The following ROBO2 variants were observed in gnomAD, a reference collection of about 807,000 sequenced individuals.
The protein encoded by ROBO2 is roundabout guidance receptor 2.
A neutral mutation model predicts 160.8 loss-of-function variants in ROBO2; 53 were observed. The ratio of observed to expected loss-of-function variants is 0.33; its 90% CI spans 0.26 to 0.41. The LOEUF (loss-of-function observed/expected upper bound fraction) is 0.41, where lower values mean the gene tolerates loss of function less well. ROBO2 is among the 10% of genes least tolerant of loss of function. The pLI, the probability that ROBO2 is intolerant of heterozygous loss-of-function variation, is 1.00. For synonymous variants in ROBO2, 664 were observed against 611.7 expected (o/e 1.09, Z -1.26); for missense variants, 1,577 against 1,722.4 (o/e 0.92, Z 1.49).
In ROBO2 at chr3:77,281,608, C is replaced by G. The variant is rs115510697; in HGVS notation, c.388+183268C>G. Among the ~76,000 whole-genome samples the G allele has an allele frequency of 9.5e-3, 1,447 of 152,174 alleles. 20 individuals are homozygous for G. Among genetic ancestry groups the G allele is most frequent in the East Asian group, 0.035 (181 of 5,176 alleles). On this transcript the variant is annotated intron_variant, in intron 2 of 25. Transcript: ENST00000461745. ...TGTTCCAGGACCTCCCATGGATGCT[C>G]AAGTCTCTGATATAAAATAACATAT...
At chr3:76,112,003 A>T (rs2070253383) in intron 2 of ROBO2, among the ~76,000 whole-genome samples, 1 of 151,928 alleles carries the variant, frequency 6.6e-6, no homozygotes, top group Non-Finnish European at 1.5e-5. Flanking sequence ...GGAAGAGTAG[A>T]CTCTCGACTC....
At chr3:77,383,168 A>C (rs1581523531) in intron 2 of ROBO2, among the ~76,000 whole-genome samples, 1 of 152,260 alleles carries the variant, frequency 6.6e-6, no homozygotes, top group Non-Finnish European at 1.5e-5. Flanking sequence ...TATATAGTTG[A>C]TAAGAAATGA....
At chr3:75,906,681 A>ACGGG (rs1281981658), upstream of ROBO2, 2 of 152,300 alleles carry the variant, frequency 1.3e-5, no homozygotes, top group Non-Finnish European at 1.5e-5. Context: ...CATTAGTAGC[A>ACGGG]CGGGCAGCTC....
At chr3:77,490,654 C>T (rs572425193) in intron 4 of ROBO2, among the ~76,000 whole-genome samples, 2 of 152,240 alleles carry the variant, frequency 1.3e-5, no homozygotes, top group African/African-American at 4.8e-5. Flanking sequence ...CTCATTCTTA[C>T]CATTTCTATG....
At chr3:75,989,281 C>T (rs747059504) in intron 2 of ROBO2, among the ~76,000 whole-genome samples, 22 of 152,044 alleles carry the variant, frequency 1.4e-4, no homozygotes, top group Non-Finnish European at 3.1e-4. Flanking sequence ...CCATGACTGG[C>T]TAATTTTTGT....
At chr3:76,345,127 G>A (rs965957595) in intron 2 of ROBO2, among the ~76,000 whole-genome samples, 1 of 151,982 alleles carries the variant, frequency 6.6e-6, no homozygotes, top group African/African-American at 2.4e-5. Flanking sequence ...GCAAGGTTTT[G>A]GAGAGAAAAA....
intron 2 of ROBO2, among the ~76,000 whole-genome samples, chr3:75,953,203 A>C (rs1948612346): frequency 1.3e-5 from 2 of 151,880 alleles, no homozygotes; most frequent in Admixed American, 1.3e-4. Flanking sequence ...CTGACTCCCA[A>C]AGTAGCTGTA....
intron 2 of ROBO2, among the ~76,000 whole-genome samples, chr3:76,995,263 T>C (rs528550677): frequency 7.9e-5 from 12 of 152,318 alleles, no homozygotes; most frequent in African/African-American, 2.4e-4. Context: ...TCCATGACCC[T>C]ACAAAGGACA....
intron 19 of ROBO2, among the ~76,000 whole-genome samples, chr3:77,597,649 T>C (rs2094337694): frequency 6.6e-6 from 1 of 152,002 alleles, no homozygotes; most frequent in Admixed American, 6.6e-5. Flanking sequence ...GTAAGAAAGC[T>C]CTATGAACAG....
At chr3:77,215,650 G>T (rs1451247526) in intron 2 of ROBO2, among the ~76,000 whole-genome samples, 1 of 152,130 alleles carries the variant, frequency 6.6e-6, no homozygotes, top group African/African-American at 2.4e-5. Context: ...AGGAGGAGAG[G>T]TGCTCTGATT....
chr3:76,973,249 AC>A (rs2059656187), intron 2 of ROBO2, among the ~76,000 whole-genome samples: 1 of 152,080 alleles, frequency 6.6e-6, no homozygotes, highest in East Asian at 1.9e-4. Context: ...CTGGTGGCAA[AC>A]CCTTAGGCCA....
intron 2 of ROBO2, among the ~76,000 whole-genome samples, chr3:77,130,926 A>G (rs114114588): frequency 1.3e-5 from 2 of 152,164 alleles, no homozygotes; most frequent in Non-Finnish European, 2.9e-5. Flanking sequence ...ACGTTGTGCA[A>G]ACTTCTTTCG....
At chr3:76,452,134 GA>G (rs1239286644) in intron 2 of ROBO2, among the ~76,000 whole-genome samples, 1 of 151,842 alleles carries the variant, frequency 6.6e-6, no homozygotes, top group African/African-American at 2.4e-5. Context: ...TTAAACCTAA[GA>G]AATATTTATG....
At chr3:77,451,265 G>A (rs938493637) in intron 2 of ROBO2, among the ~76,000 whole-genome samples, 3 of 151,900 alleles carry the variant, frequency 2.0e-5, no homozygotes, top group African/African-American at 2.4e-5. Context: ...GAATTTTAAA[G>A]TTTGAAAAAT....
chr3:77,105,306 A>G (rs2072641246), intron 2 of ROBO2, among the ~76,000 whole-genome samples: 2 of 152,238 alleles, frequency 1.3e-5, no homozygotes, highest in South Asian at 4.1e-4. Context: ...ACTAATATTT[A>G]CAGGTGAGGA....
chr3:77,053,838 A>G (rs944627808), intron 1 of ROBO2, among the ~76,000 whole-genome samples: 2 of 152,186 alleles, frequency 1.3e-5, no homozygotes, highest in African/African-American at 4.8e-5. Flanking sequence ...CCAGCAAAGC[A>G]ATAACACTGA....
intron 2 of ROBO2, among the ~76,000 whole-genome samples, chr3:76,865,005 G>A (rs955599253): frequency 2.0e-5 from 3 of 151,958 alleles, no homozygotes; most frequent in Non-Finnish European, 2.9e-5. Context: ...CTGTCAGCAC[G>A]GCAGAAAATC....
intron 2 of ROBO2, among the ~76,000 whole-genome samples, chr3:76,498,210 G>C (rs1028642670): frequency 6.6e-6 from 1 of 152,140 alleles, no homozygotes; most frequent in Non-Finnish European, 1.5e-5. Flanking sequence ...CAAGAGTTTG[G>C]AAATACTATA....
At chr3:77,642,515 A>G (rs1225740556) in intron 24 of ROBO2, among the ~76,000 whole-genome samples, 156 bp from the exon 26 acceptor site, 1 of 152,216 alleles carries the variant, frequency 6.6e-6, no homozygotes, top group African/African-American at 2.4e-5. Context: ...GAGCAATAAT[A>G]TGAGCTTTGG....
Sources: allele counts gnomAD v4.1 joint callset (sites outside exome capture counted in the v4.1 genomes callset), GRCh38; gene constraint gnomAD v4.1.1; transcripts MANE v1.5; gene names NCBI Gene and HGNC (gene_info 2026-07-23, HGNC 2026-07-21).